The following LTBP4 variants were observed in gnomAD, a reference collection of about 807,000 sequenced individuals.
The protein encoded by LTBP4 is latent-transforming growth factor beta-binding protein 4.
In LTBP4, 93 loss-of-function variants were observed where a neutral mutation model predicts 180.2. The observed-to-expected ratio is 0.52, with a 90% CI of 0.44 to 0.61. The LOEUF (loss-of-function observed/expected upper bound fraction) is 0.61, where lower values mean the gene tolerates loss of function less well. Among genes scored for constraint, LTBP4 ranks in the 20% least tolerant of loss-of-function variants. The pLI is 0.00. For missense variants in LTBP4, 2,116 were observed against 2,256.5 expected (o/e 0.94, Z 1.26); for synonymous variants, 947 against 934.5 (o/e 1.01, Z -0.24).
chr19:40,610,179 C>A, intron 11 of LTBP4: 1 of 504,474 alleles, frequency 2.0e-6, no homozygotes, highest in Non-Finnish European at 3.5e-6. Flanking sequence ...ACTCCCTCCC[C>A]CAGGCCCCGC....
At chr19:40,619,585 G>T in intron 22 of LTBP4, 92 bp downstream of exon 22, 1 of 1,354,934 alleles carries the variant, frequency 7.4e-7, no homozygotes, top group South Asian at 1.5e-5. Flanking sequence ...GCTACCATCA[G>T]CTAAATACTG....
intron 28 of LTBP4, 150 bp downstream of exon 28, chr19:40,627,505 G>T: frequency 7.7e-7 from 1 of 1,301,474 alleles, no homozygotes; most frequent in Non-Finnish European, 1.0e-6. Context: ...TCTATAGCCC[G>T]GCAAAGAAAG....
intron 12 of LTBP4, 158 bp from the exon 13 acceptor site, chr19:40,610,994 T>A (rs2146029094): frequency 2.0e-6 from 2 of 1,017,686 alleles, no homozygotes; most frequent in East Asian, 5.2e-5. Context: ...CCAGGCAGCT[T>A]AGTAGGGATT....
At chr19:40,606,180 C>G in intron 4 of LTBP4, 53 bp from the exon 5 acceptor site, 1 of 1,479,374 alleles carries the variant, frequency 6.8e-7, no homozygotes, top group Non-Finnish European at 9.3e-7. Flanking sequence ...TCTGCCCACT[C>G]CATTCTCGCT....
Position 40,625,913 on chromosome 19 carries a change from C to T in LTBP4, c.3889C>T (p.Pro1297Ser). 1.2e-6 allele frequency: 2 copies of T among 1,602,826 alleles called. No individual in the cohort carries two copies. Among genetic ancestry groups the T allele is most frequent in the Non-Finnish European group, 8.5e-7 (1 of 1,175,446 alleles). Residue 1297 changes from proline to serine, a missense_variant, in exon 27 of 30, where the codon CCT (proline) becomes TCT (serine). By Grantham distance (74) the Pro-to-Ser change is moderately conservative. Transcript: ENST00000396819. ...EVGADLVCSHPRLDRQATYTE... is the reference protein window; with the variant it reads ...EVGADLVCSHSRLDRQATYTE... The stretch of plus-strand genomic sequence containing the variant: ...GGGGGCTGACCTCGTGTGCAGCCAC[C>T]CTCGGCTGGACCGTCAGGCCACCTA...
intron 28 of LTBP4, 115 bp from the exon 29 acceptor site, chr19:40,627,590 G>A (rs1314593185): frequency 7.2e-7 from 1 of 1,396,796 alleles, no homozygotes; most frequent in Non-Finnish European, 9.6e-7. Flanking sequence ...CACAGCCCTG[G>A]AGCGGGATGG....
chr19:40,610,371 G>C, intron 11 of LTBP4, 161 bp from the exon 12 acceptor site: 1 of 773,468 alleles, frequency 1.3e-6, no homozygotes, highest in Non-Finnish European at 2.0e-6. Flanking sequence ...CTCCACAATT[G>C]CCTCTCTCAC....
intron 7 of LTBP4, 86 bp downstream of exon 7, chr19:40,607,615 C>A: frequency 7.1e-7 from 1 of 1,413,200 alleles, no homozygotes; most frequent in Non-Finnish European, 9.4e-7. Flanking sequence ...GAGTTCACTG[C>A]CCCAACCTGA....
In LTBP4 at chr19:40,622,481, C is replaced by T; in HGVS notation, c.3298C>T (p.Arg1100Ter). The part of the protein sequence containing the change: ...ARPPPPPLPR[R>*]PSTPRQGPVG... ...GCCACCTCCGCCACCCCTGCCCCGC[C>T]GACCCAGCACACCTAGGCAGGGCCC... The change falls in exon 23 of 30, where the codon CGA becomes TGA. Residue 1100 changes from arginine to a stop codon, truncating the protein, a stop_gained. Transcript: ENST00000396819. LOFTEE classifies it high-confidence loss of function. The surrounding 1 kb of genome is among the most constrained non-coding windows in gnomAD (Gnocchi z 5.1). The T allele has an allele frequency of 1.2e-6, 2 of 1,609,900 alleles. No homozygotes were observed. The highest frequency in any genetic ancestry group is 1.7e-6 in the Non-Finnish European group (2 of 1,177,424).
chr19:40,599,755 T>A, upstream of LTBP4: 1 of 591,764 alleles, frequency 1.7e-6, no homozygotes, highest in Non-Finnish European at 3.0e-6. Flanking sequence ...TCTGCATTAT[T>A]TCTGTCTCTT....
At chr19:40,599,002 C>A (rs1246348431), upstream of LTBP4, among the ~76,000 whole-genome samples, 1 of 152,216 alleles carries the variant, frequency 6.6e-6, no homozygotes, top group Non-Finnish European at 1.5e-5. Context: ...CTGTGCCCTT[C>A]AGCCCGAAGT....
In LTBP4 at chr19:40,622,290, T is replaced by A; in HGVS notation, c.3218-111T>A. Reference sequence around the variant, plus strand: ...GTGTGGAGTCTGGTTCTGCCACTGATGGCTGCCACCCTCTGTTTCCCTATC... The same window carrying A: ...GTGTGGAGTCTGGTTCTGCCACTGAAGGCTGCCACCCTCTGTTTCCCTATC... On this transcript the variant is annotated intron_variant, in intron 22 of 29. Transcript: ENST00000396819. The surrounding 1 kb of genome is among the most constrained non-coding windows in gnomAD (Gnocchi z 5.1). 8.0e-7 allele frequency: 1 copy of A among 1,256,882 alleles called. No individual in the cohort carries two copies. The allele number at this position is 1,256,882 out of a possible 1,614,324, so 77.9% of individuals were successfully genotyped here. A position where few individuals can be genotyped will look rare whatever the true frequency, so the allele number is the denominator to read the frequency against.
chr19:40,627,593 C>T (rs2081645083), intron 28 of LTBP4, 112 bp from the exon 29 acceptor site: 3 of 1,410,602 alleles, frequency 2.1e-6, no homozygotes, highest in Non-Finnish European at 2.9e-6. Flanking sequence ...AGCCCTGGAG[C>T]GGGATGGACA....
chr19:40,599,263 C>T, upstream of LTBP4: 1 of 1,613,824 alleles, frequency 6.2e-7, no homozygotes. Context: ...GAGGTGGGTT[C>T]TGGAAGATGG....
At chr19:40,618,214 C>T (rs2081563453) in intron 21 of LTBP4, among the ~76,000 whole-genome samples, 2 of 151,800 alleles carry the variant, frequency 1.3e-5, no homozygotes, top group Admixed American at 1.3e-4. Context: ...ACCACAGGCA[C>T]ACGCAACCAC....
chr19:40,623,819 C>T, intron 25 of LTBP4, 87 bp downstream of exon 25: 7 of 1,595,910 alleles, frequency 4.4e-6, no homozygotes, highest in Middle Eastern at 1.7e-4. Flanking sequence ...CCACCACCAG[C>T]GGGAAGTCTT....
intron 29 of LTBP4, among the ~76,000 whole-genome samples, chr19:40,628,428 G>A (rs1026319625): frequency 6.6e-6 from 1 of 152,058 alleles, no homozygotes; most frequent in Admixed American, 6.6e-5. Flanking sequence ...CCAGCTACTC[G>A]GGAGGAACCC....
At chr19:40,619,547 C>CGTG in intron 22 of LTBP4, 54 bp downstream of exon 22, 1 of 1,542,366 alleles carries the variant, frequency 6.5e-7, no homozygotes, top group East Asian at 2.3e-5. Flanking sequence ...GGGAAAATCA[C>CGTG]GTGGTCTAAT....
intron 6 of LTBP4, among the ~76,000 whole-genome samples, chr19:40,606,870 C>T (rs528213338): frequency 1.3e-5 from 2 of 152,200 alleles, no homozygotes; most frequent in Non-Finnish European, 2.9e-5. Context: ...GCCTCGGCCT[C>T]CCGAGTAGCT....
Sources: gnomAD v4.1 joint callset for allele counts (sites outside exome capture counted in the v4.1 genomes callset) on GRCh38, gnomAD v4.1.1 for gene constraint, Gnocchi (gnomAD v3.1) non-coding constraint, MANE v1.5 for transcripts, NCBI Gene and HGNC (gene_info 2026-07-23, HGNC 2026-07-21) for gene names.